The following PRKN variants were observed in gnomAD, a reference collection of about 807,000 sequenced individuals.
PRKN encodes the protein parkin RBR E3 ubiquitin protein ligase, also known as E3 ubiquitin-protein ligase parkin.
A neutral mutation model predicts 59.5 loss-of-function variants in PRKN; 56 were observed. The observed-to-expected ratio is 0.94, with a 90% CI of 0.76 to 1.18. PRKN has a LOEUF of 1.18. PRKN is among the 50% of genes most tolerant of loss of function. The probability of loss-of-function intolerance (pLI) is 0.00; values close to 1 mark genes in which losing one functional copy is unlikely to be tolerated. For synonymous variants in PRKN, 250 were observed against 222.1 expected, an observed-to-expected ratio of 1.13 and a Z score of -1.12; for missense variants, 657 against 596.4, an observed-to-expected ratio of 1.10 and a Z score of -1.06.
chr6:162,011,243 A>ATATAGTATATATTTATGATATATAC (rs1562458471), intron 5 of PRKN, among the ~76,000 whole-genome samples: 4 of 3,730 alleles, frequency 1.1e-3, no homozygotes, highest in Non-Finnish European at 1.8e-3. Context: ...ATAATTTATA[A>ATATAGTATATATTTATGATATATAC]TATATATAAT....
chr6:162,231,183 T>C (rs1420040477), intron 3 of PRKN, among the ~76,000 whole-genome samples: 2 of 152,090 alleles, frequency 1.3e-5, no homozygotes, highest in African/African-American at 4.8e-5. Flanking sequence ...CCAAAGAAAA[T>C]ATTTCAGAGA....
At chr6:161,757,858 T>C (rs1213595097) in intron 7 of PRKN, among the ~76,000 whole-genome samples, 1 of 97,590 alleles carries the variant, frequency 1.0e-5, no homozygotes, top group Non-Finnish European at 1.9e-5. Flanking sequence ...TCTCTCTCTC[T>C]CTCTCTCTCT....
rs190684522 is a variant in PRKN at position 161,372,739 on chromosome 6, C to T, written c.1168-12534G>A. 1.1e-4 allele frequency among the ~76,000 whole-genome samples: 16 copies of T among 152,116 alleles called. No individual in the cohort carries two copies. Among genetic ancestry groups the T allele is most frequent in the Admixed American group, 3.3e-4 (5 of 15,278 alleles). On this transcript the variant is annotated intron_variant, in intron 10 of 11. Coordinates refer to ENST00000366898, the MANE Select transcript of PRKN (RefSeq NM_004562.3). This position sits in a 1 kb window ranked among gnomAD's most constrained non-coding sequence, Gnocchi z 4.2. ...AGTTCAACAAATTCCTAGGTGATGC[C>T]GATGTCGCTAGCCTGCAGAGCTTCG...
chr6:161,903,417 A>G (rs995687034), intron 6 of PRKN, among the ~76,000 whole-genome samples: 3 of 152,176 alleles, frequency 2.0e-5, no homozygotes, highest in Non-Finnish European at 2.9e-5. Flanking sequence ...ATATGTCTTG[A>G]CCAAGGAGAC....
At chr6:161,571,234 T>G (rs190865421) in intron 7 of PRKN, among the ~76,000 whole-genome samples, 1 of 152,340 alleles carries the variant, frequency 6.6e-6, no homozygotes, top group East Asian at 1.9e-4. Flanking sequence ...CGTGAGCCAC[T>G]GTAACTGGCT....
intron 2 of PRKN, among the ~76,000 whole-genome samples, chr6:162,413,561 T>C (rs1189718661): frequency 1.3e-5 from 2 of 152,206 alleles, no homozygotes; most frequent in Non-Finnish European, 2.9e-5. Context: ...TTATCTGTAT[T>C]TTCACTTTTG....
chr6:161,672,610 T>C (rs1784950394), intron 7 of PRKN, among the ~76,000 whole-genome samples: 1 of 152,088 alleles, frequency 6.6e-6, no homozygotes. Flanking sequence ...AACCCGTCTC[T>C]ATGAAAAATA....
intron 6 of PRKN, among the ~76,000 whole-genome samples, chr6:161,940,323 T>C (rs894025228): frequency 6.6e-6 from 1 of 151,058 alleles, no homozygotes; most frequent in African/African-American, 2.4e-5. Context: ...AAAGAAAGTG[T>C]GTCTTTGTGT....
chr6:161,356,149 AG>A lies in PRKN; in HGVS notation c.1285+3938del, dbSNP rs1784737514. ...GAGCCAGAACTAATTGTCTTGGCAG[AG>A]GTGATTTCCCAGAGGGCTCAAGGCC... On this transcript the variant is annotated intron_variant, in intron 11 of 11. Coordinates refer to ENST00000366898, the MANE Select transcript of PRKN (RefSeq NM_004562.3). The surrounding 1 kb of genome is among the most constrained non-coding windows in gnomAD (Gnocchi z 7.8). 6.6e-6 allele frequency among the ~76,000 whole-genome samples: 1 copy of A among 152,206 alleles called. No individual in the cohort carries two copies. Among genetic ancestry groups the A allele is most frequent in the Admixed American group, 6.5e-5 (1 of 15,292 alleles).
rs1171761016 is a variant in PRKN, at chr6:161,388,557, C to T, written c.1084-1680G>A. Among the ~76,000 whole-genome samples the T allele has an allele frequency of 1.3e-5, 2 of 152,202 alleles. No homozygotes were observed. The highest frequency in any genetic ancestry group is 4.8e-5 in the African/African-American group (2 of 41,460). On this transcript the variant is annotated intron_variant, in intron 9 of 11. Transcript: ENST00000366898. This position sits in a 1 kb window ranked among gnomAD's most constrained non-coding sequence, Gnocchi z 4.3. ...GGTGGTCTTAGAGCATAGAGGCAAA[C>T]TGACAGTATCCTCTTTCCCTTGAGA...
chr6:161,432,856 T>C (rs1386351982), intron 9 of PRKN, among the ~76,000 whole-genome samples: 4 of 152,200 alleles, frequency 2.6e-5, no homozygotes, highest in Non-Finnish European at 5.9e-5. Context: ...CAATATTTAA[T>C]ATTTTTTCAA....
intron 6 of PRKN, among the ~76,000 whole-genome samples, chr6:161,822,673 C>CAA (rs527779952): frequency 1.8e-4 from 27 of 146,060 alleles, no homozygotes; most frequent in African/African-American, 6.3e-4. Flanking sequence ...GAAACGCTGT[C>CAA]AAAAAAAAAA....
chr6:161,680,726 CATATATATATATATATATATAT>C lies in PRKN; in HGVS notation c.871+105024_871+105045del, dbSNP rs56954052. 3.9e-3 allele frequency among the ~76,000 whole-genome samples: 198 copies of C among 51,012 alleles called. 9 individuals are homozygous for C. Among genetic ancestry groups the C allele is most frequent in the East Asian group, 0.021 (41 of 1,970 alleles). 33.5% of individuals were successfully genotyped at this position (51,012 alleles called of 152,430 possible). A position where few individuals can be genotyped will look rare whatever the true frequency, so the allele number is the denominator to read the frequency against. On this transcript the variant is annotated intron_variant, in intron 7 of 11. Coordinates refer to ENST00000366898, the MANE Select transcript of PRKN (RefSeq NM_004562.3). ...TGGGCTCTGAAAACATCCTGAAATA[CATATATATATATATATATATAT>C]ATATATATATATATATATATATATA...
In PRKN at chr6:162,296,292, G is replaced by A. The variant is rs540880390; in HGVS notation, c.172-33527C>T. On this transcript the variant is annotated intron_variant, in intron 2 of 11. Coordinates refer to ENST00000366898, the MANE Select transcript of PRKN (RefSeq NM_004562.3). ...CACTCCCTATCTGCGCTGCCTCCCAGCCAGGGGCCTTGACAAGCCCACACT... is the reference window on the plus strand; with the variant it reads ...CACTCCCTATCTGCGCTGCCTCCCAACCAGGGGCCTTGACAAGCCCACACT... 1.2e-3 allele frequency among the ~76,000 whole-genome samples: 151 copies of A among 128,244 alleles called. 7 individuals are homozygous for A. In the South Asian group the frequency reaches 0.039, roughly 33 times the overall value. 84.1% of individuals were successfully genotyped at this position (128,244 alleles called of 152,430 possible). A position where few individuals can be genotyped will look rare whatever the true frequency, so the allele number is the denominator to read the frequency against.
chr6:161,792,040 T>C (rs1428446527), intron 6 of PRKN, among the ~76,000 whole-genome samples: 1 of 152,160 alleles, frequency 6.6e-6, no homozygotes, highest in Non-Finnish European at 1.5e-5. Context: ...AGCAAGAAAC[T>C]GGGGCCTTCT....
intron 1 of PRKN, among the ~76,000 whole-genome samples, chr6:162,445,304 T>C (rs1317962050): frequency 6.6e-6 from 1 of 152,114 alleles, no homozygotes; most frequent in Non-Finnish European, 1.5e-5. Flanking sequence ...TTAATTACTT[T>C]CTAATGGAAC....
intron 8 of PRKN, among the ~76,000 whole-genome samples, chr6:161,569,064 G>T (rs1458993012): frequency 6.6e-6 from 1 of 152,004 alleles, no homozygotes; most frequent in Non-Finnish European, 1.5e-5. Flanking sequence ...ATTCATCTCT[G>T]CATTTATTTG....
chr6:162,640,450 T>G (rs1280269575), intron 1 of PRKN, among the ~76,000 whole-genome samples: 1 of 152,124 alleles, frequency 6.6e-6, no homozygotes, highest in East Asian at 1.9e-4. Flanking sequence ...CCACTAAAAA[T>G]GTTTCACTGC....
chr6:161,541,656 A>G (rs1779619094), intron 9 of PRKN, among the ~76,000 whole-genome samples: 1 of 152,062 alleles, frequency 6.6e-6, no homozygotes, highest in Non-Finnish European at 1.5e-5. Context: ...TCCCGTCTCT[A>G]CTAAATTTAC....
Sources: gnomAD v4.1 joint callset for allele counts (sites outside exome capture counted in the v4.1 genomes callset) on GRCh38, gnomAD v4.1.1 for gene constraint, Gnocchi (gnomAD v3.1) non-coding constraint, MANE v1.5 for transcripts, NCBI Gene and HGNC (gene_info 2026-07-23, HGNC 2026-07-21) for gene names.